Variants in ZFP14 observed in about 807,000 individuals in gnomAD.
The protein encoded by ZFP14 is ZFP14 zinc finger protein, also known as zinc finger protein 14 homolog.
A neutral mutation model predicts 54.5 loss-of-function variants in ZFP14; 22 were observed. The observed-to-expected ratio is 0.40, with a 90% CI of 0.29 to 0.58. ZFP14 has a LOEUF of 0.58. Among genes scored for constraint, ZFP14 ranks in the 20% least tolerant of loss-of-function variants. The pLI, the probability that ZFP14 is intolerant of heterozygous loss-of-function variation, is 0.39. For missense variants in ZFP14, 470 were observed against 637.8 expected, an observed-to-expected ratio of 0.74 and a Z score of 2.83; for synonymous variants, 159 against 204.0, an observed-to-expected ratio of 0.78 and a Z score of 1.88.
In ZFP14 at chr19:36,341,082, T is replaced by C; in HGVS notation, c.744A>G (p.Arg248=). The C allele has an allele frequency of 6.2e-7, 1 of 1,613,916 alleles. No individual in the cohort carries two copies. The highest frequency in any genetic ancestry group is 8.5e-7 in the Non-Finnish European group (1 of 1,179,958). The stretch of plus-strand genomic sequence containing the variant: ...CATAGGGTTTTTCACCCGTATGAAG[T>C]CTCTGATGTTGAGTAAGTTCTTGGA... The part of the protein sequence containing the change: ...TVLQELTQHQ[R]LHTGEKPYEC... Residue 248 remains arginine (R), a synonymous_variant, in exon 5 of 5, where the codon AGA becomes AGG. Transcript: ENST00000270001. This position sits in a 1 kb window ranked among gnomAD's most constrained non-coding sequence, Gnocchi z 4.2.
At position 36,356,161 on chromosome 19, in the gene ZFP14, G is replaced by A. The variant is rs757447521; in HGVS notation, c.235+4274C>T. On this transcript the variant is annotated intron_variant, in intron 4 of 4. Transcript: ENST00000270001. The stretch of plus-strand genomic sequence containing the variant: ...AAACAAGAAATTAATGGGGCTGGGC[G>A]CAGTAGCTCATGCCTCTAATCCTAG... Among the ~76,000 whole-genome samples, 49 of 149,328 alleles carry A rather than the reference G, an allele frequency of 3.3e-4. 11 individuals are homozygous for A. Among genetic ancestry groups the A allele is most frequent in the Admixed American group, 1.6e-3 (23 of 14,766 alleles).
rs774619917 is a variant in ZFP14 at position 36,360,477 on chromosome 19, G to C, written c.193C>G (p.Pro65Ala). 1 of 1,613,624 alleles carries C rather than the reference G, an allele frequency of 6.2e-7. No homozygotes were observed. The part of the protein sequence containing the change: ...ITLLDEERKE[P>A]GMVVREGTRR... ...GTCCCTTCCCTCACAACCATCCCAG[G>C]TTCCTTCCTTTCTTCATCCAATAAG... is the stretch of plus-strand genomic sequence containing the variant. The change falls in exon 4 of 5, where the codon CCT becomes GCT. Residue 65 changes from proline to alanine, a missense_variant. By Grantham distance (27) the Pro-to-Ala change is conservative. Coordinates refer to ENST00000270001, the MANE Select transcript of ZFP14 (RefSeq NM_020917.3).
chr19:36,374,504 A>G (rs945692198), intron 1 of ZFP14, among the ~76,000 whole-genome samples: 11 of 151,722 alleles, frequency 7.3e-5, no homozygotes, highest in Non-Finnish European at 1.3e-4. Context: ...AAAAAAAAAA[A>G]AAAGAAAAGA....
At position 36,341,733 on chromosome 19, in the gene ZFP14, CAT is replaced by C; in HGVS notation, c.236-145_236-144del. 1.4e-6 allele frequency: 1 copy of C among 726,868 alleles called. No homozygotes were observed. The highest frequency in any genetic ancestry group is 1.8e-5 in the African/African-American group (1 of 54,800). The allele number at this position is 726,868 out of a possible 1,614,324, so 45.0% of individuals were successfully genotyped here. On this transcript the variant is annotated intron_variant, in intron 4 of 4. Transcript: ENST00000270001. The surrounding 1 kb of genome is among the most constrained non-coding windows in gnomAD (Gnocchi z 4.2). Reference sequence around the variant, plus strand: ...TTGAATGGATTAGACAGATCTCAAACATAGACATTTCTGCCACAATCTTATAT... The same window carrying C: ...TTGAATGGATTAGACAGATCTCAAACAGACATTTCTGCCACAATCTTATAT...
chr19:36,342,300 C>A (rs940279214), intron 4 of ZFP14, among the ~76,000 whole-genome samples: 8 of 151,250 alleles, frequency 5.3e-5, no homozygotes, highest in African/African-American at 2.0e-4. Flanking sequence ...CCTGCCTCAG[C>A]CCTCCTAGTA....
Position 36,340,784 on chromosome 19 carries a change from C to G in ZFP14, c.1042G>C (p.Ala348Pro), listed in dbSNP as rs1365147076. The G allele has an allele frequency of 1.2e-6, 2 of 1,613,812 alleles. No homozygotes were observed. The highest frequency in any genetic ancestry group is 2.2e-5 in the East Asian group (1 of 44,880). The change falls in exon 5 of 5, where the codon GCT becomes CCT. Residue 348 changes from alanine (A) to proline (P), a missense_variant. By Grantham distance (27) the Ala-to-Pro change is conservative. Transcript: ENST00000270001. This position sits in a 1 kb window ranked among gnomAD's most constrained non-coding sequence, Gnocchi z 5.4. The part of the protein sequence containing the change: ...KPYECKECGK[A>P]FRICQQLTVH... ...GTAAGTTGTTGGCATATTCTAAAAG[C>G]CTTTCCACACTCCTTACATTCATAG...
intron 4 of ZFP14, among the ~76,000 whole-genome samples, chr19:36,349,270 AC>A (rs2031481956): frequency 2.1e-5 from 3 of 144,274 alleles, no homozygotes; most frequent in Non-Finnish European, 3.1e-5. Flanking sequence ...AAAAAAAAAA[AC>A]AGGAAGAACA....
chr19:36,373,926 A>AT (rs398040983), intron 1 of ZFP14, among the ~76,000 whole-genome samples: 3 of 150,770 alleles, frequency 2.0e-5, no homozygotes, highest in African/African-American at 4.9e-5. Context: ...AAAAAAAAAA[A>AT]GAAAAAAATG....
chr19:36,373,911 C>CAAA (rs74174406), intron 1 of ZFP14, among the ~76,000 whole-genome samples: 8 of 93,320 alleles, frequency 8.6e-5, no homozygotes, highest in South Asian at 4.1e-4. Context: ...GACCCCATCT[C>CAAA]AAAAAAAAAA....
intron 4 of ZFP14, 24 bp downstream of exon 4, chr19:36,360,411 A>C (rs927003817): frequency 6.2e-7 from 1 of 1,603,694 alleles, no homozygotes; most frequent in African/African-American, 1.3e-5. Context: ...GTGATTTCTC[A>C]ATGCCTGCTC....
chr19:36,340,392 T>G lies in ZFP14; in HGVS notation c.1434A>C (p.Lys478Asn), dbSNP rs779461729. ...TQHQSIHTGE[K>N]PYECKECGKA... ...TACCACATTCCTTACATTCATAAGG[T>G]TTCTCACCAGTGTGAATACTCTGAT... Residue 478 changes from lysine to asparagine, a missense_variant, in exon 5 of 5, where the codon AAA becomes AAC. Coordinates refer to ENST00000270001, the MANE Select transcript of ZFP14 (RefSeq NM_020917.3). This position sits in a 1 kb window ranked among gnomAD's most constrained non-coding sequence, Gnocchi z 5.4. The G allele has an allele frequency of 1.2e-6, 2 of 1,614,128 alleles. No homozygotes were observed. The highest frequency in any genetic ancestry group is 3.3e-5 in the Admixed American group (2 of 60,028).
chr19:36,368,946 T>C (rs2967507), intron 1 of ZFP14, among the ~76,000 whole-genome samples: 149,889 of 152,312 alleles, frequency 0.98, 74,069 homozygotes, highest in Middle Eastern at 1. Context: ...CGGGTTCAAG[T>C]GATTATCCTG....
rs748422706 is a variant in ZFP14 at position 36,338,520 on chromosome 19, T to TAA, written c.*1702_*1703dup. 6.0e-4 allele frequency: 81 copies of TAA among 135,326 alleles called. No homozygotes were observed. Among genetic ancestry groups the TAA allele is most frequent in the African/African-American group, 2.0e-3 (74 of 36,698 alleles). 8.4% of individuals were successfully genotyped at this position (135,326 alleles called of 1,614,324 possible). ...GGGCAACATAGTGAGACCCTTTCTCTAAAAAAAAAAAAAAAATTTAGGTGG... is the reference window on the plus strand; with the variant it reads ...GGGCAACATAGTGAGACCCTTTCTCTAAAAAAAAAAAAAAAAAATTTAGGTGG... On this transcript the variant is annotated 3_prime_UTR_variant, in exon 5 of 5. Transcript: ENST00000270001.
chr19:36,341,280 A>C lies in ZFP14; in HGVS notation c.546T>G (p.Ile182Met). The C allele has an allele frequency of 6.2e-7, 1 of 1,614,176 alleles. No individual in the cohort carries two copies. The highest frequency in any genetic ancestry group is 8.5e-7 in the Non-Finnish European group (1 of 1,180,030). ...GGTGTTGACTAAGTGTTGAGCGACGAATAAAGGTCTTCCTACACTCCTTAC... is the reference window on the plus strand; with the variant it reads ...GGTGTTGACTAAGTGTTGAGCGACGCATAAAGGTCTTCCTACACTCCTTAC... ...YECKECRKTF[I>M]RRSTLSQHLR... The change falls in exon 5 of 5, where the codon ATT (isoleucine) becomes ATG (methionine). Residue 182 changes from isoleucine to methionine, a missense_variant. Transcript: ENST00000270001. This position sits in a 1 kb window ranked among gnomAD's most constrained non-coding sequence, Gnocchi z 4.2.
intron 1 of ZFP14, among the ~76,000 whole-genome samples, chr19:36,369,574 C>A (rs910332093): frequency 6.6e-6 from 1 of 151,794 alleles, no homozygotes; most frequent in Non-Finnish European, 1.5e-5. Context: ...CTACGCCCGG[C>A]TAATTTTTAT....
rs910726976 is a variant in ZFP14, at chr19:36,339,340, G to A, written c.*884C>T. The A allele has an allele frequency of 6.6e-6, 1 of 152,126 alleles. No homozygotes were observed. The highest frequency in any genetic ancestry group is 1.5e-5 in the Non-Finnish European group (1 of 68,038). 9.4% of individuals were successfully genotyped at this position (152,126 alleles called of 1,614,324 possible). On this transcript the variant is annotated 3_prime_UTR_variant, in exon 5 of 5. Coordinates refer to ENST00000270001, the MANE Select transcript of ZFP14 (RefSeq NM_020917.3). Reference sequence around the variant, plus strand: ...CCTTGCAACAATCCTATTCCACAGTGTGGCAGGCTGACTCTAAACAGGCCC... The same window carrying A: ...CCTTGCAACAATCCTATTCCACAGTATGGCAGGCTGACTCTAAACAGGCCC...
chr19:36,377,760 C>A (rs2031985560), intron 1 of ZFP14, among the ~76,000 whole-genome samples: 1 of 151,746 alleles, frequency 6.6e-6, no homozygotes, highest in South Asian at 2.1e-4. Flanking sequence ...GCAGGAGAAT[C>A]CTGCTTGAAC....
chr19:36,365,176 T>A (rs935206927), intron 2 of ZFP14, among the ~76,000 whole-genome samples: 3 of 151,974 alleles, frequency 2.0e-5, no homozygotes, highest in Non-Finnish European at 4.4e-5. Flanking sequence ...CCTCCCATTA[T>A]GTGAAATCAG....
chr19:36,358,500 C>T (rs1206829865), intron 4 of ZFP14, among the ~76,000 whole-genome samples: 1 of 152,150 alleles, frequency 6.6e-6, no homozygotes, highest in African/African-American at 2.4e-5. Flanking sequence ...TTCCTTAGGA[C>T]TTTCTATGTA....
Sources: gnomAD v4.1 joint callset for allele counts (sites outside exome capture counted in the v4.1 genomes callset) on GRCh38, gnomAD v4.1.1 for gene constraint, Gnocchi (gnomAD v3.1) non-coding constraint, MANE v1.5 for transcripts, NCBI Gene and HGNC (gene_info 2026-07-23, HGNC 2026-07-21) for gene names.